Variants in PCDH9 observed in about 807,000 individuals in gnomAD.
PCDH9 encodes protocadherin-9.
In PCDH9, 24 loss-of-function variants were observed where a neutral mutation model predicts 70.6. That is an observed-to-expected ratio of 0.34 (90% CI 0.25 to 0.48). The LOEUF (loss-of-function observed/expected upper bound fraction) is 0.48. Ranked by LOEUF, PCDH9 falls within the 20% of genes least tolerant of loss-of-function variation. The pLI, the probability that PCDH9 is intolerant of heterozygous loss-of-function variation, is 0.99. For missense variants in PCDH9, 1,281 were observed against 1,503.6 expected (o/e 0.85, Z 2.45); for synonymous variants, 562 against 558.5 (o/e 1.01, Z -0.09).
At chr13:67,011,927 A>G (rs1200942807) in intron 2 of PCDH9, among the ~76,000 whole-genome samples, 1 of 151,940 alleles carries the variant, frequency 6.6e-6, no homozygotes, top group Non-Finnish European at 1.5e-5. Flanking sequence ...CTCAGCAAAA[A>G]CAGCACTCTT....
At chr13:66,504,757 C>A (rs190226571) in intron 4 of PCDH9, among the ~76,000 whole-genome samples, 1 of 152,100 alleles carries the variant, frequency 6.6e-6, no homozygotes, top group East Asian at 1.9e-4. Context: ...TGAATGCTAC[C>A]TGCTGAGAAA....
At chr13:66,623,076 T>C (rs973751901) in intron 4 of PCDH9, among the ~76,000 whole-genome samples, 3 of 152,054 alleles carry the variant, frequency 2.0e-5, no homozygotes, top group African/African-American at 4.8e-5. Context: ...TCCGAACACA[T>C]CCGAACATCA....
intron 2 of PCDH9, among the ~76,000 whole-genome samples, chr13:67,192,040 C>A (rs553414578): frequency 6.6e-6 from 1 of 151,162 alleles, no homozygotes; most frequent in African/African-American, 2.4e-5. Context: ...TGTAATTTGT[C>A]GATTAGTAAA....
chr13:66,452,195 C>A (rs1257250584), intron 4 of PCDH9, among the ~76,000 whole-genome samples: 1 of 152,058 alleles, frequency 6.6e-6, no homozygotes, highest in Non-Finnish European at 1.5e-5. Context: ...GAGGAAAATG[C>A]TTTTTGAGGA....
chr13:66,535,673 T>C (rs181709361), intron 4 of PCDH9, among the ~76,000 whole-genome samples: 1 of 152,220 alleles, frequency 6.6e-6, no homozygotes, highest in Admixed American at 6.6e-5. Flanking sequence ...AGAAAGCAGA[T>C]ATTATGCTTA....
intron 4 of PCDH9, among the ~76,000 whole-genome samples, chr13:66,499,436 T>C (rs1351584059): frequency 6.6e-6 from 1 of 152,140 alleles, no homozygotes; most frequent in Non-Finnish European, 1.5e-5. Context: ...ATAAAAAACA[T>C]TGTTCTGATT....
chr13:66,346,039 A>G (rs1219547191), intron 4 of PCDH9, among the ~76,000 whole-genome samples: 1 of 152,156 alleles, frequency 6.6e-6, no homozygotes, highest in Non-Finnish European at 1.5e-5. Context: ...AGCTAATGGA[A>G]AAGAGATGTG....
chr13:66,990,631 A>T (rs978492254), intron 2 of PCDH9, among the ~76,000 whole-genome samples: 1 of 150,116 alleles, frequency 6.7e-6, no homozygotes, highest in Non-Finnish European at 1.5e-5. Flanking sequence ...ATATAAAAAC[A>T]TGTATACATA....
chr13:66,751,318 C>T (rs2079454845), intron 3 of PCDH9, among the ~76,000 whole-genome samples: 1 of 151,970 alleles, frequency 6.6e-6, no homozygotes, highest in South Asian at 2.1e-4. Context: ...GAGAAATTTT[C>T]TCTGGGAGAA....
intron 2 of PCDH9, among the ~76,000 whole-genome samples, chr13:67,080,168 T>C (rs2085955673): frequency 6.6e-6 from 1 of 152,202 alleles, no homozygotes; most frequent in South Asian, 2.1e-4. Context: ...AGAACGCACC[T>C]CTTTAAACAT....
intron 4 of PCDH9, among the ~76,000 whole-genome samples, chr13:66,570,135 C>G (rs1224851672): frequency 2.0e-5 from 3 of 151,916 alleles, no homozygotes; most frequent in African/African-American, 7.3e-5. Context: ...GGGGATTATA[C>G]TGAAGGAAAA....
At chr13:67,017,125 C>A (rs1488316568) in intron 2 of PCDH9, among the ~76,000 whole-genome samples, 2 of 152,106 alleles carry the variant, frequency 1.3e-5, no homozygotes, top group Non-Finnish European at 2.9e-5. Flanking sequence ...ATACATAGGC[C>A]AGACAAAGCT....
At chr13:67,074,070 A>ATCTATCTG (rs1238755154) in intron 2 of PCDH9, among the ~76,000 whole-genome samples, 1 of 145,136 alleles carries the variant, frequency 6.9e-6, no homozygotes, top group African/African-American at 2.5e-5. Flanking sequence ...CTATCTATCT[A>ATCTATCTG]TCTGTTTATT....
At chr13:66,950,020 G>A (rs74093679) in intron 2 of PCDH9, among the ~76,000 whole-genome samples, 3,773 of 152,022 alleles carry the variant, frequency 0.025, 150 homozygotes, top group African/African-American at 0.085. Context: ...TTTAGATGAT[G>A]ACCAGAAGTT....
At chr13:67,197,216 A>G (rs1431879106) in intron 2 of PCDH9, among the ~76,000 whole-genome samples, 1 of 151,996 alleles carries the variant, frequency 6.6e-6, no homozygotes. Flanking sequence ...TAATAGCCTC[A>G]ATTATATATT....
At chr13:66,753,978 TAATC>T (rs1221053911) in intron 3 of PCDH9, among the ~76,000 whole-genome samples, 1 of 152,246 alleles carries the variant, frequency 6.6e-6, no homozygotes, top group Non-Finnish European at 1.5e-5. Context: ...GAAATTAACT[TAATC>T]ATTCATTTTC....
At chr13:66,969,876 G>GA (rs2083489989) in intron 2 of PCDH9, among the ~76,000 whole-genome samples, 1 of 151,956 alleles carries the variant, frequency 6.6e-6, no homozygotes, top group South Asian at 2.1e-4. Flanking sequence ...TTTGGAGAGG[G>GA]AAAGTCTAAA....
intron 4 of PCDH9, among the ~76,000 whole-genome samples, chr13:66,616,271 A>G (rs1237165094): frequency 6.6e-6 from 1 of 152,182 alleles, no homozygotes; most frequent in Non-Finnish European, 1.5e-5. Context: ...ATTCTTGTGG[A>G]ACAGACGTCC....
intron 3 of PCDH9, among the ~76,000 whole-genome samples, chr13:66,664,441 G>GT (rs1158292531): frequency 9.5e-5 from 10 of 105,436 alleles, no homozygotes; most frequent in African/African-American, 4.1e-4. Context: ...ACAGCAATGG[G>GT]CTTTTTTTTT....
Sources: allele counts gnomAD v4.1 joint callset (sites outside exome capture counted in the v4.1 genomes callset), GRCh38; gene constraint gnomAD v4.1.1; transcripts MANE v1.5; gene names NCBI Gene and HGNC (gene_info 2026-07-23, HGNC 2026-07-21).